Variants in TRIM59 observed in about 807,000 individuals in gnomAD.
TRIM59 encodes tripartite motif-containing protein 59.
A neutral mutation model predicts 32.2 loss-of-function variants in TRIM59; 14 were observed. The observed-to-expected ratio is 0.43, with a 90% CI of 0.29 to 0.68. TRIM59 has a LOEUF of 0.68. TRIM59 is among the 30% of genes least tolerant of loss of function. TRIM59 has a pLI of 0.15. For missense variants in TRIM59, 471 were observed against 463.3 expected (o/e 1.02, Z -0.15); for synonymous variants, 163 against 155.1 (o/e 1.05, Z -0.38).
rs202041217 is a variant in TRIM59 at position 160,438,780 on chromosome 3, T to C, written c.404A>G (p.Gln135Arg). ...GTCCTTTTCTTTCAAATAGGCACTT[T>C]GAAGGTCATCTATAGGATGACCATG... ...QHHGHPIDDL[Q>R]SAYLKEKDTP... Residue 135 changes from glutamine (Q) to arginine (R), a missense_variant, in exon 3 of 3, where the codon CAA becomes CGA. Transcript: ENST00000309784. The C allele has an allele frequency of 1.9e-6, 3 of 1,614,056 alleles. No individual in the cohort carries two copies. In the South Asian group the frequency reaches 3.3e-5, roughly 18 times the overall value.
intron 1 of TRIM59, among the ~76,000 whole-genome samples, chr3:160,449,094 A>G (rs1208834915): frequency 6.6e-6 from 1 of 152,246 alleles, no homozygotes; most frequent in Non-Finnish European, 1.5e-5. Flanking sequence ...ATTCACGGTC[A>G]TTTTAGAGTG....
chr3:160,439,293 A>C (rs1049225998), intron 2 of TRIM59, 107 bp from the exon 3 acceptor site: 2 of 886,416 alleles, frequency 2.3e-6, no homozygotes, highest in African/African-American at 3.5e-5. Flanking sequence ...TTGTCATTTA[A>C]AAGAGAACAA....
intron 2 of TRIM59, among the ~76,000 whole-genome samples, chr3:160,447,031 C>T (rs1008449248): frequency 1.3e-5 from 2 of 149,340 alleles, no homozygotes; most frequent in Non-Finnish European, 3.0e-5. Context: ...AAAAAGTTAA[C>T]GGAGATAGTT....
chr3:160,444,542 T>C (rs901108302), intron 2 of TRIM59, among the ~76,000 whole-genome samples: 1 of 152,200 alleles, frequency 6.6e-6, no homozygotes, highest in African/African-American at 2.4e-5. Context: ...TCCTATAATG[T>C]GACTTTGCTG....
rs959560492 is a variant in TRIM59 at position 160,437,673 on chromosome 3, A to G, written c.*299T>C. On this transcript the variant is annotated 3_prime_UTR_variant, in exon 3 of 3. Transcript: ENST00000309784. ...CAGTATATAATAATGGTAAAAGACA[A>G]TATTGGTACAAGAATGTTTAAATGT... The G allele has an allele frequency of 9.6e-7, 1 of 1,038,842 alleles. No individual in the cohort carries two copies. The highest frequency in any genetic ancestry group is 1.2e-6 in the Non-Finnish European group (1 of 865,356). 64.4% of individuals were successfully genotyped at this position (1,038,842 alleles called of 1,614,324 possible).
chr3:160,445,997 T>G (rs1003548002), intron 2 of TRIM59, among the ~76,000 whole-genome samples: 5 of 152,016 alleles, frequency 3.3e-5, no homozygotes, highest in African/African-American at 1.2e-4. Context: ...TTTGTAGAGA[T>G]AGGGTCTCAC....
In TRIM59 at chr3:160,435,947, A is replaced by C. The variant is rs1577008660; in HGVS notation, c.*2025T>G. 1.6e-6 allele frequency: 2 copies of C among 1,284,318 alleles called. No homozygotes were observed. Among genetic ancestry groups the C allele is most frequent in the Middle Eastern group, 2.1e-4 (1 of 4,656 alleles). The allele number at this position is 1,284,318 out of a possible 1,614,324, so 79.6% of individuals were successfully genotyped here. On this transcript the variant is annotated 3_prime_UTR_variant, in exon 3 of 3. Transcript: ENST00000309784. The stretch of plus-strand genomic sequence containing the variant: ...TCACAGAAATGAGATTAAGTAGTTT[A>C]ACACATAATGGCTAACATTTCATTG...
At position 160,449,426 on chromosome 3, in the gene TRIM59, C is replaced by G. The variant is rs1719702114; in HGVS notation, c.-74+291G>C. Reference sequence around the variant, plus strand: ...CCTCCACCTCGGCACCCGCCCGTCCCCAACCCCGCGGGACTGACCGACTCG... The same window carrying G: ...CCTCCACCTCGGCACCCGCCCGTCCGCAACCCCGCGGGACTGACCGACTCG... On this transcript the variant is annotated intron_variant, in intron 1 of 2. Transcript: ENST00000309784. The G allele has an allele frequency of 5.3e-6, 6 of 1,126,104 alleles. No individual in the cohort carries two copies. The South Asian group carries it at 1.1e-4, about 20-fold the overall frequency. 69.8% of individuals were successfully genotyped at this position (1,126,104 alleles called of 1,614,324 possible).
rs1471626079 is a variant in TRIM59, at chr3:160,438,690, T to G, written c.494A>C (p.Glu165Ala). ...ATGAGATTTTTGTTCTTTCAGCTTT[T>G]CAATAAGATGGGTAAGATCTGTCCA... is the stretch of plus-strand genomic sequence containing the variant. ...THWTDLTHLI[E>A]KLKEQKSHSE... The change falls in exon 3 of 3, where the codon GAA becomes GCA. Residue 165 changes from glutamate to alanine, a missense_variant. Coordinates refer to ENST00000309784, the MANE Select transcript of TRIM59 (RefSeq NM_173084.3). The G allele has an allele frequency of 3.2e-5, 52 of 1,613,384 alleles. No homozygotes were observed. The highest frequency in any genetic ancestry group is 4.3e-5 in the Non-Finnish European group (51 of 1,179,826).
rs1484437579 is a variant in TRIM59 at position 160,438,169 on chromosome 3, A to G, written c.1015T>C (p.Ser339Pro). 2 of 1,612,212 alleles carry G rather than the reference A, an allele frequency of 1.2e-6. No homozygotes were observed. The highest frequency in any genetic ancestry group is 1.7e-6 in the Non-Finnish European group (2 of 1,179,352). ...AAGAGTATCGACATCAGTATTACTGAAATTAATGTAACTACAACAATGTTT... is the reference window on the plus strand; with the variant it reads ...AAGAGTATCGACATCAGTATTACTGGAATTAATGTAACTACAACAATGTTT... ...ILNIVVVTLI[S>P]VILMSILFFN... The change falls in exon 3 of 3, where the codon TCA becomes CCA. Residue 339 changes from serine (S) to proline (P), a missense_variant. Coordinates refer to ENST00000309784, the MANE Select transcript of TRIM59 (RefSeq NM_173084.3).
chr3:160,437,703 G>A lies in TRIM59; in HGVS notation c.*269C>T. 9.1e-7 allele frequency: 1 copy of A among 1,092,972 alleles called. No homozygotes were observed. The highest frequency in any genetic ancestry group is 1.6e-5 in the African/African-American group (1 of 61,114). The allele number at this position is 1,092,972 out of a possible 1,614,324, so 67.7% of individuals were successfully genotyped here. A position where few individuals can be genotyped will look rare whatever the true frequency, so the allele number is the denominator to read the frequency against. ...GGTACAAGAATGTTTAAATGTCACA[G>A]CAACATTATGTCAACCATCATAAAG... On this transcript the variant is annotated 3_prime_UTR_variant, in exon 3 of 3. Transcript: ENST00000309784.
intron 2 of TRIM59, among the ~76,000 whole-genome samples, chr3:160,444,425 G>A (rs1191061708): frequency 6.6e-6 from 1 of 152,108 alleles, no homozygotes; most frequent in African/African-American, 2.4e-5. Context: ...ACACAGAAAA[G>A]AAGGATGAAA....
At position 160,436,380 on chromosome 3, in the gene TRIM59, C is replaced by T. The variant is rs1455513402; in HGVS notation, c.*1592G>A. The T allele has an allele frequency of 1.8e-5, 18 of 986,036 alleles. No homozygotes were observed. The highest frequency in any genetic ancestry group is 1.8e-5 in the Non-Finnish European group (15 of 830,174). The allele number at this position is 986,036 out of a possible 1,614,324, so 61.1% of individuals were successfully genotyped here. On this transcript the variant is annotated 3_prime_UTR_variant, in exon 3 of 3. Coordinates refer to ENST00000309784, the MANE Select transcript of TRIM59 (RefSeq NM_173084.3). Reference sequence around the variant, plus strand: ...TGGGATTTCTGGAAAGCAAATCAACCTGCACTTAGAGTTGCATGGACAGTG... The same window carrying T: ...TGGGATTTCTGGAAAGCAAATCAACTTGCACTTAGAGTTGCATGGACAGTG...
intron 2 of TRIM59, among the ~76,000 whole-genome samples, chr3:160,440,893 G>C (rs534493576): frequency 2.0e-5 from 3 of 152,070 alleles, no homozygotes; most frequent in Non-Finnish European, 4.4e-5. Context: ...TGGACAACAA[G>C]AGCGAAACTC....
rs1177096906 is a variant in TRIM59, at chr3:160,436,602, T to A, written c.*1370A>T. ...TCATGAGGTCAGGAGATAGAGACCA[T>A]CCTGGCTAACACAGTGAAACCCCAT... On this transcript the variant is annotated 3_prime_UTR_variant, in exon 3 of 3. Transcript: ENST00000309784. The A allele has an allele frequency of 1.2e-6, 1 of 824,188 alleles. No individual in the cohort carries two copies. Among genetic ancestry groups the A allele is most frequent in the African/African-American group, 1.8e-5 (1 of 54,254 alleles). The allele number at this position is 824,188 out of a possible 1,614,324, so 51.1% of individuals were successfully genotyped here.
chr3:160,436,524 C>T lies in TRIM59; in HGVS notation c.*1448G>A, dbSNP rs1420315969. ...TAAAAGATTAAGTTGTTGGGCCGGG[C>T]GTGGCGGCTCACGCCTATAATCCCA... On this transcript the variant is annotated 3_prime_UTR_variant, in exon 3 of 3. Transcript: ENST00000309784. 12 of 985,470 alleles carry T rather than the reference C, an allele frequency of 1.2e-5. No homozygotes were observed. The highest frequency in any genetic ancestry group is 4.7e-5 in the South Asian group (1 of 21,290). 61.0% of individuals were successfully genotyped at this position (985,470 alleles called of 1,614,324 possible).
chr3:160,436,838 G>C lies in TRIM59; in HGVS notation c.*1134C>G. 2 of 481,584 alleles carry C rather than the reference G, an allele frequency of 4.2e-6. No individual in the cohort carries two copies. The highest frequency in any genetic ancestry group is 9.7e-5 in the South Asian group (1 of 10,274). The allele number at this position is 481,584 out of a possible 1,614,324, so 29.8% of individuals were successfully genotyped here. A position where few individuals can be genotyped will look rare whatever the true frequency, so the allele number is the denominator to read the frequency against. ...AAAAAAAAAAAAAGATTAAGTTGTTGGTACTTTTGCATTAGCTTAAGGGAA... is the reference window on the plus strand; with the variant it reads ...AAAAAAAAAAAAAGATTAAGTTGTTCGTACTTTTGCATTAGCTTAAGGGAA... On this transcript the variant is annotated 3_prime_UTR_variant, in exon 3 of 3. Transcript: ENST00000309784.
chr3:160,438,793 T>C lies in TRIM59; in HGVS notation c.391A>G (p.Ile131Val). The C allele has an allele frequency of 6.2e-7, 1 of 1,613,300 alleles. No homozygotes were observed. Among genetic ancestry groups the C allele is most frequent in the African/African-American group, 1.3e-5 (1 of 75,040 alleles). ...AAATAGGCACTTTGAAGGTCATCTA[T>C]AGGATGACCATGATGTTGACCTATG... is the stretch of plus-strand genomic sequence containing the variant. ...LTIGQHHGHP[I>V]DDLQSAYLKE... The change falls in exon 3 of 3, where the codon ATA (isoleucine) becomes GTA (valine). Residue 131 changes from isoleucine to valine, a missense_variant. Coordinates refer to ENST00000309784, the MANE Select transcript of TRIM59 (RefSeq NM_173084.3).
At chr3:160,445,472 AAACTT>A (rs1017564818) in intron 2 of TRIM59, among the ~76,000 whole-genome samples, 1 of 151,904 alleles carries the variant, frequency 6.6e-6, no homozygotes, top group African/African-American at 2.4e-5. Flanking sequence ...ATGAACTAGA[AAACTT>A]AAATTGCTAG....
Sources: gnomAD v4.1 joint callset for allele counts (sites outside exome capture counted in the v4.1 genomes callset) on GRCh38, gnomAD v4.1.1 for gene constraint, MANE v1.5 for transcripts, NCBI Gene and HGNC (gene_info 2026-07-23, HGNC 2026-07-21) for gene names.